Variants in CNBD2 observed in about 807,000 individuals in gnomAD.
CNBD2 encodes cyclic nucleotide binding domain containing 2.
CNBD2 carries 64 observed loss-of-function variants against 63.7 expected under a neutral mutation model. The observed-to-expected ratio is 1.00, with a 90% CI of 0.82 to 1.24. The LOEUF is 1.24. Ranked by LOEUF, CNBD2 falls within the 50% of genes most tolerant of loss-of-function variation. The probability of loss-of-function intolerance (pLI) is 0.00; values close to 1 mark genes in which losing one functional copy is unlikely to be tolerated. For missense variants in CNBD2, 691 were observed against 713.5 expected (o/e 0.97, Z 0.36); for synonymous variants, 229 against 255.4 (o/e 0.90, Z 0.99).
chr20:35,971,532 C>T (rs1420986471), intron 1 of CNBD2, among the ~76,000 whole-genome samples: 6 of 152,182 alleles, frequency 3.9e-5, no homozygotes, highest in African/African-American at 1.4e-4. Context: ...TCTCCTGCCT[C>T]AGCCTCCCGA....
intron 2 of CNBD2, 117 bp downstream of exon 2, chr20:35,972,883 G>A: frequency 2.1e-6 from 2 of 939,512 alleles, no homozygotes; most frequent in Admixed American, 5.0e-5. Context: ...GCAGATGAGA[G>A]ACCCAATGGT....
At chr20:35,965,600 T>C (rs545746063), upstream of CNBD2, among the ~76,000 whole-genome samples, 1 of 152,334 alleles carries the variant, frequency 6.6e-6, no homozygotes, top group African/African-American at 2.4e-5. Context: ...AGTGCTCTTT[T>C]TGGCATTCTA....
chr20:35,973,823 G>A (rs1383686956), intron 2 of CNBD2: 1 of 152,180 alleles, frequency 6.6e-6, no homozygotes, highest in Admixed American at 6.5e-5. Context: ...CTGCTAACTT[G>A]TTCTAGTTCC....
chr20:36,023,702 T>A lies in CNBD2; in HGVS notation c.1370T>A (p.Phe457Tyr). The A allele has an allele frequency of 1.2e-6, 2 of 1,613,850 alleles. No individual in the cohort carries two copies. The highest frequency in any genetic ancestry group is 1.7e-6 in the Non-Finnish European group (2 of 1,179,918). Residue 457 changes from phenylalanine (F) to tyrosine (Y), a missense_variant, in exon 11 of 12, where the codon TTT becomes TAT. Phe to Tyr is a conservative substitution (Grantham distance 22). Coordinates refer to ENST00000373973, the MANE Select transcript of CNBD2 (RefSeq NM_001365709.1). ...NELIRIRKEIFYELIDNDDEM... is the reference protein window; with the variant it reads ...NELIRIRKEIYYELIDNDDEM... The stretch of plus-strand genomic sequence containing the variant: ...TTGATACGGATAAGGAAGGAAATAT[T>A]TTATGAACTGATTGACAATGATGAC...
chr20:36,002,638 CT>C lies in CNBD2; in HGVS notation c.971-5658del, dbSNP rs1273447428. On this transcript the variant is annotated intron_variant, in intron 8 of 11. Transcript: ENST00000373973. ...CTCTTTATATAACCTTGTATATTTT[CT>C]GTACACAGTGTACCTTTTTGCTTTG... Among the ~76,000 whole-genome samples the C allele has an allele frequency of 2.0e-5, 3 of 152,160 alleles. No individual in the cohort carries two copies. In the East Asian group the frequency reaches 5.8e-4, roughly 29 times the overall value.
intron 7 of CNBD2, among the ~76,000 whole-genome samples, chr20:35,993,354 G>A (rs908007597): frequency 1.3e-5 from 2 of 152,108 alleles, no homozygotes; most frequent in Non-Finnish European, 2.9e-5. Context: ...GTCACCACAG[G>A]TTACTTTTGC....
At chr20:36,014,904 G>A (rs1601093747) in intron 10 of CNBD2, among the ~76,000 whole-genome samples, 1 of 152,170 alleles carries the variant, frequency 6.6e-6, no homozygotes. Context: ...AAAGGGCTGG[G>A]ATTACAGGCG....
In CNBD2 at chr20:36,023,597, C is replaced by T. The variant is rs2057246551; in HGVS notation, c.1270-5C>T. 1 of 1,582,528 alleles carries T rather than the reference C, an allele frequency of 6.3e-7. No individual in the cohort carries two copies. The highest frequency in any genetic ancestry group is 2.3e-5 in the East Asian group (1 of 43,342). On this transcript the variant is annotated splice_polypyrimidine_tract_variant and splice_region_variant and intron_variant, in intron 10 of 11. Transcript: ENST00000373973. ...GAGGTCTAACTTTCTGTGACTTCTCCCGAGGGTCTTCACCAGGCCTTCCTT... is the reference window on the plus strand; with the variant it reads ...GAGGTCTAACTTTCTGTGACTTCTCTCGAGGGTCTTCACCAGGCCTTCCTT...
chr20:35,980,325 A>G (rs1275650965), intron 3 of CNBD2, 134 bp from the exon 4 acceptor site: 2 of 742,086 alleles, frequency 2.7e-6, no homozygotes, highest in Non-Finnish European at 4.5e-6. Context: ...CCTGACACAC[A>G]GTAAGCACTC....
chr20:35,964,111 C>T (rs1159609249), upstream of CNBD2, among the ~76,000 whole-genome samples: 1 of 152,236 alleles, frequency 6.6e-6, no homozygotes, highest in East Asian at 1.9e-4. Flanking sequence ...AACCACACCT[C>T]CTGAGCATCT....
At chr20:35,961,494 G>T (rs2056308925) in intron 2 of CNBD2, among the ~76,000 whole-genome samples, 1 of 151,888 alleles carries the variant, frequency 6.6e-6, no homozygotes, top group Non-Finnish European at 1.5e-5. Flanking sequence ...CTTCTTTGTT[G>T]TTCATGATTA....
chr20:35,963,714 T>C (rs2056325032), upstream of CNBD2, among the ~76,000 whole-genome samples: 1 of 152,174 alleles, frequency 6.6e-6, no homozygotes, highest in Admixed American at 6.5e-5. Context: ...AAAAGATTAT[T>C]CATAAAAATC....
chr20:36,030,163 C>T (rs929069807), intron 11 of CNBD2, among the ~76,000 whole-genome samples, 194 bp from the exon 12 acceptor site: 1 of 152,154 alleles, frequency 6.6e-6, no homozygotes, highest in Non-Finnish European at 1.5e-5. Flanking sequence ...ACAGGTGGCC[C>T]ATTGCTACTA....
chr20:36,011,965 C>T (rs2057067603), intron 10 of CNBD2, among the ~76,000 whole-genome samples: 1 of 152,086 alleles, frequency 6.6e-6, no homozygotes, highest in Non-Finnish European at 1.5e-5. Context: ...CGAGACCAGT[C>T]TGGCCAACAT....
rs148778050 is a variant in CNBD2, at chr20:36,028,685, G to GTTTTTTTTTT, written c.1440-1664_1440-1663insTTTTTTTTTT. On this transcript the variant is annotated intron_variant, in intron 11 of 11. Coordinates refer to ENST00000373973, the MANE Select transcript of CNBD2 (RefSeq NM_001365709.1). The stretch of plus-strand genomic sequence containing the variant: ...GAGGGCTTAAGGGCGTCACGGGCTG[G>GTTTTTTTTTT]TTTTTTTTGGGACGGAGTCTCACTC... Among the ~76,000 whole-genome samples, 13 of 140,142 alleles carry GTTTTTTTTTT rather than the reference G, an allele frequency of 9.3e-5. 1 individual carries two copies. Among genetic ancestry groups the GTTTTTTTTTT allele is most frequent in the East Asian group, 6.2e-4 (3 of 4,828 alleles). 91.9% of individuals were successfully genotyped at this position (140,142 alleles called of 152,430 possible).
At chr20:35,997,553 G>C (rs910349307) in intron 8 of CNBD2, among the ~76,000 whole-genome samples, 2 of 152,182 alleles carry the variant, frequency 1.3e-5, no homozygotes, top group African/African-American at 4.8e-5. Flanking sequence ...TCTCTTATTA[G>C]TGATGTGATA....
At chr20:35,960,089 T>C (rs963609161), downstream of CNBD2, among the ~76,000 whole-genome samples, 1 of 152,218 alleles carries the variant, frequency 6.6e-6, no homozygotes, top group African/African-American at 2.4e-5. Context: ...AGAGCTTGGA[T>C]GGTAAGGGAT....
intron 5 of CNBD2, 32 bp downstream of exon 5, chr20:35,984,170 G>C: frequency 6.4e-7 from 1 of 1,565,900 alleles, no homozygotes; most frequent in Non-Finnish European, 8.6e-7. Context: ...AGTTTCCTGG[G>C]GTGGAGTGGG....
At chr20:36,017,625 C>T (rs2147351660) in intron 10 of CNBD2, among the ~76,000 whole-genome samples, 1 of 152,342 alleles carries the variant, frequency 6.6e-6, no homozygotes, top group Non-Finnish European at 1.5e-5. Flanking sequence ...CAGAAGAAAT[C>T]CACTTCCTTA....
Sources: allele counts gnomAD v4.1 joint callset (sites outside exome capture counted in the v4.1 genomes callset), GRCh38; gene constraint gnomAD v4.1.1; transcripts MANE v1.5; gene names NCBI Gene and HGNC (gene_info 2026-07-23, HGNC 2026-07-21).